Variants in SYT2 observed in about 807,000 individuals in gnomAD.
The protein encoded by SYT2 is synaptotagmin 2.
A neutral mutation model predicts 39.9 loss-of-function variants in SYT2; 15 were observed. The ratio of observed to expected loss-of-function variants is 0.38; its 90% CI spans 0.25 to 0.58. SYT2 has a LOEUF of 0.58. Ranked by LOEUF, SYT2 falls within the 20% of genes least tolerant of loss-of-function variation. The pLI, the probability that SYT2 is intolerant of heterozygous loss-of-function variation, is 0.70. For synonymous variants in SYT2, 181 were observed against 204.5 expected (o/e 0.89, Z 0.98); for missense variants, 389 against 530.3 (o/e 0.73, Z 2.62).
At chr1:202,632,778 G>C in intron 1 of SYT2, 2 of 155,600 alleles carry the variant, frequency 1.3e-5, no homozygotes, top group South Asian at 4.1e-4. Context: ...AAATGATGCA[G>C]GATTTGGGAC....
intron 1 of SYT2, among the ~76,000 whole-genome samples, chr1:202,677,286 G>C (rs1339621571): frequency 6.6e-6 from 1 of 152,210 alleles, no homozygotes; most frequent in Admixed American, 6.5e-5. Flanking sequence ...TGTTGAGAGA[G>C]AGGGTCTGTG....
intron 1 of SYT2, among the ~76,000 whole-genome samples, chr1:202,692,105 C>A (rs1304480341): frequency 1.3e-5 from 2 of 151,942 alleles, no homozygotes; most frequent in African/African-American, 4.8e-5. Context: ...CCACTGCAGC[C>A]CAGCTCTCCT....
At chr1:202,613,253 G>T (rs549527388) in intron 1 of SYT2, among the ~76,000 whole-genome samples, 4 of 151,786 alleles carry the variant, frequency 2.6e-5, no homozygotes, top group Non-Finnish European at 4.4e-5. Flanking sequence ...GCTAATTTTT[G>T]TATTTTTAGT....
intron 1 of SYT2, among the ~76,000 whole-genome samples, chr1:202,671,291 T>TCCTG (rs1692585939): frequency 6.6e-6 from 1 of 152,182 alleles, no homozygotes; most frequent in Admixed American, 6.5e-5. Context: ...GTGCTGCCAC[T>TCCTG]CCTGCCTGCC....
At chr1:202,651,422 G>C (rs892961035) in intron 1 of SYT2, among the ~76,000 whole-genome samples, 6 of 152,138 alleles carry the variant, frequency 3.9e-5, no homozygotes, top group Non-Finnish European at 8.8e-5. Context: ...GCCATATCCA[G>C]GAGGAAATGT....
At chr1:202,694,559 TAC>T (rs10563246) in intron 1 of SYT2, among the ~76,000 whole-genome samples, 99,399 of 150,204 alleles carry the variant, frequency 0.66, 32,741 homozygotes, top group Middle Eastern at 0.71. Flanking sequence ...AGGCTGAATT[TAC>T]ACACACACAC....
chr1:202,656,062 C>T (rs769345647), intron 1 of SYT2, among the ~76,000 whole-genome samples: 1 of 152,002 alleles, frequency 6.6e-6, no homozygotes, highest in African/African-American at 2.4e-5. Context: ...AACAGCGGGC[C>T]GTGCCTGTAA....
At chr1:202,622,653 C>G (rs1691236614) in intron 1 of SYT2, among the ~76,000 whole-genome samples, 1 of 152,214 alleles carries the variant, frequency 6.6e-6, no homozygotes, top group Non-Finnish European at 1.5e-5. Context: ...CCTCCCTGCG[C>G]TTGTGCAGCT....
intron 1 of SYT2, among the ~76,000 whole-genome samples, chr1:202,675,726 A>AC (rs1324757538): frequency 2.0e-5 from 3 of 151,970 alleles, no homozygotes; most frequent in Non-Finnish European, 2.9e-5. Flanking sequence ...CTTCCACCTT[A>AC]CCCCATTTCC....
intron 1 of SYT2, among the ~76,000 whole-genome samples, chr1:202,664,155 A>G (rs968761066): frequency 6.6e-6 from 1 of 152,184 alleles, no homozygotes; most frequent in Non-Finnish European, 1.5e-5. Context: ...AGAGGGGTAG[A>G]GGGAGGACCT....
chr1:202,668,590 T>C (rs1423854558), intron 1 of SYT2, among the ~76,000 whole-genome samples: 1 of 152,232 alleles, frequency 6.6e-6, no homozygotes, highest in Non-Finnish European at 1.5e-5. Flanking sequence ...GCTTACTACA[T>C]GCCAGACCTG....
intron 1 of SYT2, among the ~76,000 whole-genome samples, chr1:202,651,047 A>T (rs912340679): frequency 6.6e-6 from 1 of 152,096 alleles, no homozygotes; most frequent in Non-Finnish European, 1.5e-5. Flanking sequence ...AAGCCAGGCT[A>T]AGGGTGTGGG....
chr1:202,620,548 G>A (rs1691176415), intron 1 of SYT2, among the ~76,000 whole-genome samples: 1 of 151,844 alleles, frequency 6.6e-6, no homozygotes, highest in African/African-American at 2.4e-5. Context: ...GCTCTCAACA[G>A]AGAGCCTAGG....
chr1:202,626,560 TCTCA>T (rs1324047489), intron 1 of SYT2, among the ~76,000 whole-genome samples: 1 of 151,360 alleles, frequency 6.6e-6, no homozygotes, highest in Admixed American at 6.6e-5. Flanking sequence ...AGAGAAGGGG[TCTCA>T]CTATGTTGCC....
At chr1:202,634,270 C>A (rs541367571) in intron 1 of SYT2, among the ~76,000 whole-genome samples, 1 of 152,290 alleles carries the variant, frequency 6.6e-6, no homozygotes, top group East Asian at 1.9e-4. Flanking sequence ...GTAATTCCAG[C>A]ACTTTGGGAG....
chr1:202,685,913 T>C (rs1308140622), intron 1 of SYT2, among the ~76,000 whole-genome samples: 5 of 152,034 alleles, frequency 3.3e-5, no homozygotes, highest in African/African-American at 1.2e-4. Context: ...CTCTGGGGCA[T>C]GGGGGTGTGC....
At chr1:202,624,538 G>A (rs1691299339) in intron 1 of SYT2, among the ~76,000 whole-genome samples, 1 of 140,382 alleles carries the variant, frequency 7.1e-6, no homozygotes, top group Admixed American at 7.1e-5. Context: ...AGTAGAGTGT[G>A]GATGTGTGTG....
chr1:202,601,117 C>G lies in SYT2; in HGVS notation c.802-643G>C, dbSNP rs1357387144. 6.6e-6 allele frequency among the ~76,000 whole-genome samples: 1 copy of G among 152,208 alleles called. No individual in the cohort carries two copies. Among genetic ancestry groups the G allele is most frequent in the Non-Finnish European group, 1.5e-5 (1 of 68,030 alleles). ...AGGCCATGGTTTGCTCAAAGTCACA[C>G]AACAATTTAGCACTGTAGGCAGGCT... is the stretch of plus-strand genomic sequence containing the variant. On this transcript the variant is annotated intron_variant, in intron 6 of 8. Transcript: ENST00000367268. This position sits in a 1 kb window ranked among gnomAD's most constrained non-coding sequence, Gnocchi z 4.0.
chr1:202,626,066 T>C (rs1475155685), intron 1 of SYT2, among the ~76,000 whole-genome samples: 11 of 152,130 alleles, frequency 7.2e-5, no homozygotes, highest in Admixed American at 2.6e-4. Flanking sequence ...CTGCCATATG[T>C]AGAAATGTGA....
Sources: gnomAD v4.1 joint callset for allele counts (sites outside exome capture counted in the v4.1 genomes callset) on GRCh38, gnomAD v4.1.1 for gene constraint, Gnocchi (gnomAD v3.1) non-coding constraint, MANE v1.5 for transcripts, NCBI Gene and HGNC (gene_info 2026-07-23, HGNC 2026-07-21) for gene names.